MDGA2: variants seen among roughly 807,000 people sequenced by gnomAD.
MDGA2 encodes the protein MAM domain containing glycosylphosphatidylinositol anchor 2.
In MDGA2, 40 loss-of-function variants were observed where a neutral mutation model predicts 117.8. The ratio of observed to expected loss-of-function variants is 0.34; its 90% CI spans 0.26 to 0.44. MDGA2 has a LOEUF of 0.44. Ranked by LOEUF, MDGA2 falls within the 20% of genes least tolerant of loss-of-function variation. MDGA2 has a pLI of 1.00. For missense variants in MDGA2, 1,123 were observed against 1,250.6 expected, an observed-to-expected ratio of 0.90 and a Z score of 1.54; for synonymous variants, 452 against 439.0, an observed-to-expected ratio of 1.03 and a Z score of -0.37.
At chr14:46,874,753 T>C (rs1882155634) in intron 12 of MDGA2, among the ~76,000 whole-genome samples, 1 of 151,996 alleles carries the variant, frequency 6.6e-6, no homozygotes, top group East Asian at 1.9e-4. Flanking sequence ...AATGTGGGTT[T>C]CCCAGATACT....
intron 1 of MDGA2, among the ~76,000 whole-genome samples, chr14:47,666,309 T>C (rs1897960731): frequency 6.6e-6 from 1 of 151,990 alleles, no homozygotes; most frequent in Non-Finnish European, 1.5e-5. Flanking sequence ...TAGCTTAAGG[T>C]TTGTAAATGC....
At chr14:47,512,187 G>C (rs943370242) in intron 1 of MDGA2, among the ~76,000 whole-genome samples, 1 of 152,016 alleles carries the variant, frequency 6.6e-6, no homozygotes, top group Non-Finnish European at 1.5e-5. Context: ...TGGCATATGT[G>C]GACACATAAA....
intron 2 of MDGA2, among the ~76,000 whole-genome samples, chr14:47,254,679 A>G (rs779152487): frequency 6.6e-6 from 1 of 151,972 alleles, no homozygotes; most frequent in Non-Finnish European, 1.5e-5. Flanking sequence ...AGCCCTCCAA[A>G]CTGCTACAGT....
At chr14:47,005,566 G>A (rs1005872962) in intron 8 of MDGA2, among the ~76,000 whole-genome samples, 13 of 151,266 alleles carry the variant, frequency 8.6e-5, no homozygotes, top group African/African-American at 2.9e-4. Flanking sequence ...GGTTGGTAGG[G>A]ATTTTTTTAC....
At chr14:47,098,170 T>A (rs997309160) in intron 5 of MDGA2, among the ~76,000 whole-genome samples, 11 of 150,432 alleles carry the variant, frequency 7.3e-5, no homozygotes, top group African/African-American at 9.8e-5. Flanking sequence ...GTGTTTTTTT[T>A]AATATATTAA....
chr14:47,082,334 A>G (rs76260119), intron 6 of MDGA2, among the ~76,000 whole-genome samples: 2 of 4,820 alleles, frequency 4.1e-4, no homozygotes, highest in Admixed American at 1.6e-3. Flanking sequence ...CAGGGAAGGA[A>G]AAAAAAAAAA....
At chr14:46,920,241 A>G in intron 9 of MDGA2, 81 bp from the exon 10 acceptor site, 5 of 1,297,188 alleles carry the variant, frequency 3.9e-6, no homozygotes, top group Non-Finnish European at 5.3e-6. Context: ...CCCTTTTACC[A>G]TTTCTACTAT....
At chr14:47,306,017 T>C (rs1889433217) in intron 1 of MDGA2, 1 of 152,214 alleles carries the variant, frequency 6.6e-6, no homozygotes, top group Non-Finnish European at 1.5e-5. Context: ...CAGTGTCTAT[T>C]GTGTTTCTGA....
intron 9 of MDGA2, among the ~76,000 whole-genome samples, chr14:46,948,409 G>C (rs986248166): frequency 6.6e-6 from 1 of 151,944 alleles, no homozygotes; most frequent in Non-Finnish European, 1.5e-5. Flanking sequence ...AGGACGGAGA[G>C]ATCTGGTTGC....
intron 1 of MDGA2, among the ~76,000 whole-genome samples, chr14:47,540,563 T>TATAC (rs370481455): frequency 0.011 from 1,200 of 112,476 alleles, 59 homozygotes; most frequent in Middle Eastern, 0.023. Context: ...TGTATATATA[T>TATAC]ACACACACAC....
intron 1 of MDGA2, among the ~76,000 whole-genome samples, chr14:47,339,976 T>A (rs1407628328): frequency 1.3e-5 from 2 of 152,146 alleles, no homozygotes; most frequent in Non-Finnish European, 2.9e-5. Flanking sequence ...CAGACTTACA[T>A]AGTCCTAAAA....
chr14:46,854,420 T>C (rs1881182391), intron 15 of MDGA2, among the ~76,000 whole-genome samples: 1 of 151,732 alleles, frequency 6.6e-6, no homozygotes, highest in African/African-American at 2.4e-5. Flanking sequence ...TGAAATAGCT[T>C]AATGATCTGT....
At chr14:47,020,933 A>G (rs1443825319) in intron 8 of MDGA2, among the ~76,000 whole-genome samples, 2 of 147,076 alleles carry the variant, frequency 1.4e-5, no homozygotes, top group African/African-American at 2.7e-5. Context: ...AAAGAAAAAG[A>G]AAATAATTTT....
intron 1 of MDGA2, chr14:47,306,034 C>T (rs761588261): frequency 3.9e-5 from 6 of 152,086 alleles, no homozygotes; most frequent in Non-Finnish European, 8.8e-5. Flanking sequence ...CTGAAATAAC[C>T]ATGTAAAAAT....
At chr14:47,526,734 T>A (rs1000068473) in intron 1 of MDGA2, among the ~76,000 whole-genome samples, 4 of 152,188 alleles carry the variant, frequency 2.6e-5, no homozygotes, top group Non-Finnish European at 5.9e-5. Flanking sequence ...AAGTCCTGAT[T>A]TACTTGGCAG....
chr14:47,597,885 A>C (rs74897787), intron 1 of MDGA2, among the ~76,000 whole-genome samples: 9 of 136,412 alleles, frequency 6.6e-5, no homozygotes, highest in African/African-American at 1.1e-4. Context: ...CACACACACA[A>C]AACACAGAGT....
At chr14:47,580,031 T>C (rs762301577) in intron 1 of MDGA2, among the ~76,000 whole-genome samples, 4 of 151,992 alleles carry the variant, frequency 2.6e-5, no homozygotes, top group East Asian at 3.9e-4. Flanking sequence ...TCCAAAGAGA[T>C]TGTTTTTCTT....
chr14:47,568,787 C>A (rs1474137653), intron 1 of MDGA2, among the ~76,000 whole-genome samples: 1 of 151,958 alleles, frequency 6.6e-6, no homozygotes, highest in South Asian at 2.1e-4. Context: ...TTTTCATGAT[C>A]AACTTTTGAT....
At chr14:47,065,559 G>A (rs927868839) in intron 6 of MDGA2, among the ~76,000 whole-genome samples, 6 of 152,192 alleles carry the variant, frequency 3.9e-5, no homozygotes, top group African/African-American at 1.2e-4. Context: ...ACAAAGAGGA[G>A]GCTGTGAGAT....
Sources: gnomAD v4.1 joint callset for allele counts (sites outside exome capture counted in the v4.1 genomes callset) on GRCh38, gnomAD v4.1.1 for gene constraint, MANE v1.5 for transcripts, NCBI Gene and HGNC (gene_info 2026-07-23, HGNC 2026-07-21) for gene names.